B4GALT6: variants seen among roughly 807,000 people sequenced by gnomAD.
B4GALT6 encodes beta-1,4-galactosyltransferase 6.
A neutral mutation model predicts 46.3 loss-of-function variants in B4GALT6; 14 were observed. The ratio of observed to expected loss-of-function variants is 0.30; its 90% CI spans 0.20 to 0.47. B4GALT6 has a LOEUF of 0.47. Among genes scored for constraint, B4GALT6 ranks in the 20% least tolerant of loss-of-function variants. The pLI is 0.99. For synonymous variants in B4GALT6, 168 were observed against 162.0 expected (o/e 1.04, Z -0.28); for missense variants, 386 against 480.1 (o/e 0.80, Z 1.83).
chr18:31,700,877 T>C, the B4GALT6 span, among the ~76,000 whole-genome samples: 4 of 152,164 alleles, frequency 2.6e-5, no homozygotes, highest in African/African-American at 9.6e-5. Context: ...CCACACCCAT[T>C]TGCAGCAATC....
the B4GALT6 span, among the ~76,000 whole-genome samples, chr18:31,700,468 T>TGTGTGTGA: frequency 0.018 from 2,607 of 148,292 alleles, 39 homozygotes; most frequent in Admixed American, 0.038. Flanking sequence ...TGTGTGTGTG[T>TGTGTGTGA]GAGAGAGAGA....
intron 4 of B4GALT6, among the ~76,000 whole-genome samples, chr18:31,639,282 AAGAGTAACGTCTCGGTTTT>A (rs1373139649): frequency 2.0e-5 from 3 of 152,248 alleles, no homozygotes; most frequent in Non-Finnish European, 4.4e-5. Context: ...AATGTATCAT[AAGAGTAACGTCTCGGTTTT>A]AGAGTAGATC....
At chr18:31,627,334 C>T (rs1422289166) in intron 6 of B4GALT6, among the ~76,000 whole-genome samples, 1 of 151,832 alleles carries the variant, frequency 6.6e-6, no homozygotes, top group Non-Finnish European at 1.5e-5. Context: ...ATGTAAAGCA[C>T]TTATGGAAAC....
the B4GALT6 span, among the ~76,000 whole-genome samples, chr18:31,699,526 G>A: frequency 1.3e-5 from 2 of 150,900 alleles, no homozygotes; most frequent in Non-Finnish European, 3.0e-5. Context: ...TGCCTGCCTC[G>A]GCCTCCCAAA....
chr18:31,724,264 T>C, the B4GALT6 span: 16 of 383,308 alleles, frequency 4.2e-5, no homozygotes, highest in Non-Finnish European at 6.1e-5. Flanking sequence ...GCGCTTGTCT[T>C]GTCCCGGCTG....
chr18:31,673,819 T>C (rs1024486549), intron 1 of B4GALT6, among the ~76,000 whole-genome samples: 3 of 152,104 alleles, frequency 2.0e-5, no homozygotes, highest in African/African-American at 7.2e-5. Flanking sequence ...GCAATTAAGC[T>C]AAGGATTCTG....
intron 1 of B4GALT6, among the ~76,000 whole-genome samples, chr18:31,675,084 T>G (rs1208684163): frequency 2.0e-5 from 3 of 152,204 alleles, no homozygotes; most frequent in African/African-American, 4.8e-5. Context: ...CTATTTCAGA[T>G]CTTAGCTAAC....
At chr18:31,671,333 C>A (rs2074354417) in intron 1 of B4GALT6, among the ~76,000 whole-genome samples, 1 of 152,198 alleles carries the variant, frequency 6.6e-6, no homozygotes. Context: ...CTGTCTTCCA[C>A]AATGGTTGAA....
intron 4 of B4GALT6, among the ~76,000 whole-genome samples, chr18:31,639,790 A>G (rs1212165237): frequency 1.3e-5 from 2 of 152,198 alleles, no homozygotes; most frequent in Non-Finnish European, 2.9e-5. Flanking sequence ...TGGAACTCTC[A>G]AACCCAACAC....
At chr18:31,675,176 GT>G (rs1302222449) in intron 1 of B4GALT6, among the ~76,000 whole-genome samples, 3 of 152,180 alleles carry the variant, frequency 2.0e-5, no homozygotes, top group Non-Finnish European at 4.4e-5. Context: ...CCACTCTGCA[GT>G]TTAACAATTT....
intron 4 of B4GALT6, among the ~76,000 whole-genome samples, chr18:31,639,220 G>A (rs2073900409): frequency 6.6e-6 from 1 of 152,144 alleles, no homozygotes; most frequent in Non-Finnish European, 1.5e-5. Context: ...ACATCTAAGA[G>A]GTAAGCTAGC....
chr18:31,669,061 C>G (rs1282346967), intron 1 of B4GALT6, among the ~76,000 whole-genome samples: 1 of 151,636 alleles, frequency 6.6e-6, no homozygotes, highest in South Asian at 2.1e-4. Flanking sequence ...GTTCCAATTC[C>G]TCTCTGTCCA....
At chr18:31,682,446 T>A (rs1286543950) in intron 1 of B4GALT6, among the ~76,000 whole-genome samples, 1 of 152,208 alleles carries the variant, frequency 6.6e-6, no homozygotes, top group Non-Finnish European at 1.5e-5. Context: ...CAGAGTAGGT[T>A]AAGCCACATC....
the B4GALT6 span, among the ~76,000 whole-genome samples, chr18:31,723,666 T>C: frequency 6.6e-6 from 1 of 152,242 alleles, no homozygotes; most frequent in Middle Eastern, 3.4e-3. Flanking sequence ...CCCTGCCTAA[T>C]AGGGTGGTGA....
intron 1 of B4GALT6, among the ~76,000 whole-genome samples, chr18:31,682,431 A>C (rs1183263353): frequency 1.3e-5 from 2 of 152,232 alleles, no homozygotes; most frequent in Non-Finnish European, 2.9e-5. Context: ...TAAGACCTAC[A>C]AAAACAGAGT....
chr18:31,714,252 C>T, the B4GALT6 span, among the ~76,000 whole-genome samples: 1 of 152,250 alleles, frequency 6.6e-6, no homozygotes, highest in African/African-American at 2.4e-5. Context: ...ACATTTCCAT[C>T]ATTGCACAAA....
rs2144465267 is a variant in B4GALT6, at chr18:31,625,409, T to G, written c.*205A>C. ...TAGTGGCTTCCCGTTTCTGCGGTGCTCGCCACAGGGGTGTGTCTCAGAGCA... is the reference window on the plus strand; with the variant it reads ...TAGTGGCTTCCCGTTTCTGCGGTGCGCGCCACAGGGGTGTGTCTCAGAGCA... On this transcript the variant is annotated 3_prime_UTR_variant, in exon 9 of 9. Coordinates refer to ENST00000306851, the MANE Select transcript of B4GALT6 (RefSeq NM_004775.5). The G allele has an allele frequency of 2.2e-5, 10 of 463,906 alleles. No homozygotes were observed. In the South Asian group the frequency reaches 5.2e-4, roughly 24 times the overall value. The allele number at this position is 463,906 out of a possible 1,614,324, so 28.7% of individuals were successfully genotyped here. A position where few individuals can be genotyped will look rare whatever the true frequency, so the allele number is the denominator to read the frequency against.
At chr18:31,713,195 C>T in the B4GALT6 span, among the ~76,000 whole-genome samples, 1 of 152,014 alleles carries the variant, frequency 6.6e-6, no homozygotes, top group East Asian at 1.9e-4. Flanking sequence ...TGTACAAAAA[C>T]ACGAAAATTA....
At chr18:31,638,264 A>T (rs1465044049) in intron 5 of B4GALT6, among the ~76,000 whole-genome samples, 2 of 152,218 alleles carry the variant, frequency 1.3e-5, no homozygotes, top group African/African-American at 4.8e-5. Flanking sequence ...ACAGTGGCTC[A>T]TACCTGTAAT....
Sources: allele counts gnomAD v4.1 joint callset (sites outside exome capture counted in the v4.1 genomes callset), GRCh38; gene constraint gnomAD v4.1.1; transcripts MANE v1.5; gene names NCBI Gene and HGNC (gene_info 2026-07-23, HGNC 2026-07-21).